Variants in GRIK5 observed in about 807,000 individuals in gnomAD.
GRIK5 encodes glutamate receptor ionotropic, kainate 5.
GRIK5 carries 43 observed loss-of-function variants against 97.4 expected under a neutral mutation model. The observed-to-expected ratio is 0.44, with a 90% CI of 0.35 to 0.57. The LOEUF (loss-of-function observed/expected upper bound fraction) is 0.57, where lower values mean the gene tolerates loss of function less well. Among genes scored for constraint, GRIK5 ranks in the 20% least tolerant of loss-of-function variants. The pLI, the probability that GRIK5 is intolerant of heterozygous loss-of-function variation, is 0.01. For synonymous variants in GRIK5, 580 were observed against 583.5 expected (o/e 0.99, Z 0.09); for missense variants, 1,015 against 1,382.0 (o/e 0.73, Z 4.21).
chr19:42,065,231 G>A lies in GRIK5; in HGVS notation c.236C>T (p.Thr79Met), dbSNP rs778589613. ...ELQRDSQYET[T>M]DTMCQILPKG... ...CCCATGGCCCCGCTCACTGGTGTCC[G>A]TGGTCTCGTACTGGCTGTCCCGCTG... is the stretch of plus-strand genomic sequence containing the variant. Residue 79 changes from threonine to methionine, a missense_variant, in exon 3 of 20, where the codon ACG (threonine) becomes ATG (methionine). Physicochemically the swap from Thr to Met is moderately conservative, Grantham distance 81 (BLOSUM62 -1). Coordinates refer to ENST00000593562, the MANE Select transcript of GRIK5 (RefSeq NM_002088.5). The surrounding 1 kb of genome is among the most constrained non-coding windows in gnomAD (Gnocchi z 5.8). The A allele has an allele frequency of 1.2e-5, 20 of 1,610,004 alleles. No homozygotes were observed. In the East Asian group the frequency reaches 1.6e-4, roughly 13 times the overall value.
At chr19:42,057,130 T>TAGAC (rs758889195) in intron 6 of GRIK5, 152 bp from the exon 7 acceptor site, 1 of 678,306 alleles carries the variant, frequency 1.5e-6, no homozygotes, top group African/African-American at 1.8e-5. Flanking sequence ...TGCTCAGAGA[T>TAGAC]AGACAGACAG....
In GRIK5 at chr19:41,999,076, G is replaced by C; in HGVS notation, c.2738C>G (p.Pro913Arg). Residue 913 changes from proline (P) to arginine (R), a missense_variant, in exon 20 of 20, where the codon CCG (proline) becomes CGG (arginine). Coordinates refer to ENST00000593562, the MANE Select transcript of GRIK5 (RefSeq NM_002088.5). The surrounding 1 kb of genome is among the most constrained non-coding windows in gnomAD (Gnocchi z 5.0). Reference protein sequence around the residue: ...HGGPQRLLDDPGPPSGARPAA... With the variant: ...HGGPQRLLDDRGPPSGARPAA... Reference sequence around the variant, plus strand: ...GGGTCGGGCTCCGCTGGGGGGCCCCGGGTCGTCCAGGAGGCGCTGCGGGCC... The same window carrying C: ...GGGTCGGGCTCCGCTGGGGGGCCCCCGGTCGTCCAGGAGGCGCTGCGGGCC... 1 of 1,300,864 alleles carries C rather than the reference G, an allele frequency of 7.7e-7. No homozygotes were observed. Among genetic ancestry groups the C allele is most frequent in the African/African-American group, 1.6e-5 (1 of 63,994 alleles). The allele number at this position is 1,300,864 out of a possible 1,614,324, so 80.6% of individuals were successfully genotyped here. A position where few individuals can be genotyped will look rare whatever the true frequency, so the allele number is the denominator to read the frequency against.
intron 11 of GRIK5, among the ~76,000 whole-genome samples, chr19:42,052,811 G>A (rs184738772): frequency 5.3e-5 from 8 of 152,300 alleles, no homozygotes; most frequent in Middle Eastern, 3.4e-3. Flanking sequence ...AGCCCATTGT[G>A]CCTGGCAGGA....
In GRIK5 at chr19:42,054,395, G is replaced by T; in HGVS notation, c.981C>A (p.Ile327=). 6.2e-7 allele frequency: 1 copy of T among 1,613,688 alleles called. No homozygotes were observed. The highest frequency in any genetic ancestry group is 8.5e-7 in the Non-Finnish European group (1 of 1,179,990). Residue 327 remains isoleucine (I), a synonymous_variant, in exon 9 of 20, where the codon ATC becomes ATA. Transcript: ENST00000593562. ...AVRELNRSQE[I]GVKPLACTSA... Reference sequence around the variant, plus strand: ...ATGTACAGGCCAGAGGCTTCACACCGATCTCCTGGCTGCGGTTCAGCTCTC... The same window carrying T: ...ATGTACAGGCCAGAGGCTTCACACCTATCTCCTGGCTGCGGTTCAGCTCTC...
chr19:42,008,535 G>A (rs1387305471), intron 15 of GRIK5, among the ~76,000 whole-genome samples: 5 of 152,138 alleles, frequency 3.3e-5, no homozygotes, highest in Admixed American at 6.5e-5. Flanking sequence ...GCTGAGGCAC[G>A]AGAATCGTTG....
intron 15 of GRIK5, among the ~76,000 whole-genome samples, chr19:42,012,258 T>G (rs141556122): frequency 0.017 from 2,543 of 147,216 alleles, 57 homozygotes; most frequent in African/African-American, 0.048. Context: ...ATGTATGTAT[T>G]TATTTATTTG....
Position 42,022,426 on chromosome 19 carries a change from A to G in GRIK5, c.1474-72T>C. ...GACAGAAGTGGACAGTTAGAGAGAAATGCACGGAGAGTGAGCAACTGAGGG... is the reference window on the plus strand; with the variant it reads ...GACAGAAGTGGACAGTTAGAGAGAAGTGCACGGAGAGTGAGCAACTGAGGG... On this transcript the variant is annotated intron_variant, in intron 12 of 19. Coordinates refer to ENST00000593562, the MANE Select transcript of GRIK5 (RefSeq NM_002088.5). The surrounding 1 kb of genome is among the most constrained non-coding windows in gnomAD (Gnocchi z 4.2). The G allele has an allele frequency of 6.7e-7, 1 of 1,497,470 alleles. No homozygotes were observed. Among genetic ancestry groups the G allele is most frequent in the Non-Finnish European group, 9.1e-7 (1 of 1,099,712 alleles). 92.8% of individuals were successfully genotyped at this position (1,497,470 alleles called of 1,614,324 possible).
At chr19:42,047,974 A>G (rs1226014942) in intron 11 of GRIK5, among the ~76,000 whole-genome samples, 4 of 142,034 alleles carry the variant, frequency 2.8e-5, no homozygotes, top group Non-Finnish European at 4.8e-5. Flanking sequence ...CTCTGTCTCA[A>G]AAAAAAAAAA....
chr19:42,027,174 C>T (rs748890775), intron 12 of GRIK5, among the ~76,000 whole-genome samples: 6 of 152,124 alleles, frequency 3.9e-5, no homozygotes, highest in African/African-American at 9.7e-5. Flanking sequence ...GGGGATACGG[C>T]GGTGAATAGA....
intron 12 of GRIK5, among the ~76,000 whole-genome samples, chr19:42,025,375 G>A (rs1466066467): frequency 3.9e-5 from 6 of 152,088 alleles, no homozygotes; most frequent in Non-Finnish European, 5.9e-5. Context: ...TGCCCTGGTC[G>A]CTCCATGGCT....
intron 11 of GRIK5, chr19:42,043,041 G>A (rs1568914234): frequency 2.0e-6 from 1 of 504,264 alleles, no homozygotes; most frequent in African/African-American, 1.9e-5. Flanking sequence ...TGCGTATGAG[G>A]GAGGAGGTAA....
Position 42,037,479 on chromosome 19 carries a change from A to G in GRIK5, c.1473+5073T>C, listed in dbSNP as rs141992034. Among the ~76,000 whole-genome samples the G allele has an allele frequency of 1.3e-3, 204 of 152,204 alleles. 2 individuals carry two copies. In the East Asian group the frequency reaches 0.038, roughly 28 times the overall value. Reference sequence around the variant, plus strand: ...GCCTCAAAAAGAAAAACAAAAACAAACAAACAAAAAAACCCTCTGTGAGGG... The same window carrying G: ...GCCTCAAAAAGAAAAACAAAAACAAGCAAACAAAAAAACCCTCTGTGAGGG... On this transcript the variant is annotated intron_variant, in intron 12 of 19. Transcript: ENST00000593562.
At position 42,065,555 on chromosome 19, in the gene GRIK5, G is replaced by A. The variant is rs1348557694; in HGVS notation, c.79+137C>T. 1.1e-5 allele frequency: 11 copies of A among 979,442 alleles called. No individual in the cohort carries two copies. The highest frequency in any genetic ancestry group is 1.7e-5 in the Non-Finnish European group (11 of 663,782). 60.7% of individuals were successfully genotyped at this position (979,442 alleles called of 1,614,324 possible). ...GGGGTCTGGACTCCTGGGTCCTGGGGGAAGGAGGAACTGGAGGCTGGGATT... is the reference window on the plus strand; with the variant it reads ...GGGGTCTGGACTCCTGGGTCCTGGGAGAAGGAGGAACTGGAGGCTGGGATT... On this transcript the variant is annotated intron_variant, in intron 2 of 19. Coordinates refer to ENST00000593562, the MANE Select transcript of GRIK5 (RefSeq NM_002088.5). This position sits in a 1 kb window ranked among gnomAD's most constrained non-coding sequence, Gnocchi z 5.8.
intron 5 of GRIK5, among the ~76,000 whole-genome samples, chr19:42,061,648 G>A (rs1028884398): frequency 6.6e-6 from 1 of 152,118 alleles, no homozygotes; most frequent in Non-Finnish European, 1.5e-5. Context: ...TTCCTCCTTG[G>A]CAAAGGCCTT....
rs766236080 is a variant in GRIK5 at position 42,065,672 on chromosome 19, A to T, written c.79+20T>A. 5.2e-6 allele frequency: 8 copies of T among 1,549,318 alleles called. No individual in the cohort carries two copies. In the East Asian group the frequency reaches 1.7e-4, roughly 33 times the overall value. On this transcript the variant is annotated intron_variant, in intron 2 of 19. Coordinates refer to ENST00000593562, the MANE Select transcript of GRIK5 (RefSeq NM_002088.5). The surrounding 1 kb of genome is among the most constrained non-coding windows in gnomAD (Gnocchi z 5.8). ...CCCCAGGGCCTGAGGATGCAGGGGC[A>T]GGGTGCGGGAGGGCCTCACCCATGC...
chr19:42,003,275 G>T lies in GRIK5; in HGVS notation c.2514+57C>A. On this transcript the variant is annotated intron_variant, in intron 19 of 19. Transcript: ENST00000593562. The surrounding 1 kb of genome is among the most constrained non-coding windows in gnomAD (Gnocchi z 4.2). ...TGGCTCCCAATGCCACAATCTTCACGCACCTCAGCCCCTGGGGGTCCCTGT... is the reference window on the plus strand; with the variant it reads ...TGGCTCCCAATGCCACAATCTTCACTCACCTCAGCCCCTGGGGGTCCCTGT... 1 of 1,535,164 alleles carries T rather than the reference G, an allele frequency of 6.5e-7. No individual in the cohort carries two copies. Among genetic ancestry groups the T allele is most frequent in the Non-Finnish European group, 8.9e-7 (1 of 1,121,198 alleles).
At position 42,022,124 on chromosome 19, in the gene GRIK5, C is replaced by G; in HGVS notation, c.1588-68G>C. 1.4e-6 allele frequency: 2 copies of G among 1,407,430 alleles called. No individual in the cohort carries two copies. The highest frequency in any genetic ancestry group is 2.4e-5 in the South Asian group (2 of 84,256). The allele number at this position is 1,407,430 out of a possible 1,614,324, so 87.2% of individuals were successfully genotyped here. A position where few individuals can be genotyped will look rare whatever the true frequency, so the allele number is the denominator to read the frequency against. On this transcript the variant is annotated intron_variant, in intron 13 of 19. Transcript: ENST00000593562. The surrounding 1 kb of genome is among the most constrained non-coding windows in gnomAD (Gnocchi z 4.2). Reference sequence around the variant, plus strand: ...AGCCTCACACCCAGCCCCTGCCCTACCAGGGACCTGGGAGCCTGACCGGCC... The same window carrying G: ...AGCCTCACACCCAGCCCCTGCCCTAGCAGGGACCTGGGAGCCTGACCGGCC...
rs1311397026 is a variant in GRIK5 at position 42,021,505 on chromosome 19, G to A, written c.1698-31C>T. 6.7e-7 allele frequency: 1 copy of A among 1,488,920 alleles called. No homozygotes were observed. 92.2% of individuals were successfully genotyped at this position (1,488,920 alleles called of 1,614,324 possible). On this transcript the variant is annotated intron_variant, in intron 14 of 19. Transcript: ENST00000593562. The surrounding 1 kb of genome is among the most constrained non-coding windows in gnomAD (Gnocchi z 4.2). ...GAGAGACGTGCAGCGTGTGGATGGGGCCCAGAGCCCAGGTGGGGAGGAAAA... is the reference window on the plus strand; with the variant it reads ...GAGAGACGTGCAGCGTGTGGATGGGACCCAGAGCCCAGGTGGGGAGGAAAA...
chr19:42,007,646 G>A (rs1213276218), intron 15 of GRIK5, among the ~76,000 whole-genome samples: 5 of 152,116 alleles, frequency 3.3e-5, no homozygotes, highest in African/African-American at 1.2e-4. Context: ...TTCAGAAACC[G>A]GTGGTCCCCT....
Sources: gnomAD v4.1 joint callset for allele counts (sites outside exome capture counted in the v4.1 genomes callset) on GRCh38, gnomAD v4.1.1 for gene constraint, Gnocchi (gnomAD v3.1) non-coding constraint, MANE v1.5 for transcripts, NCBI Gene and HGNC (gene_info 2026-07-23, HGNC 2026-07-21) for gene names.